The following GALNT2 variants were observed in gnomAD, a reference collection of about 807,000 sequenced individuals.
The protein encoded by GALNT2 is UDP-GalNAc:polypeptide N-acetylgalactosaminyltransferase 2.
A neutral mutation model predicts 81.4 loss-of-function variants in GALNT2; 31 were observed. The observed-to-expected ratio is 0.38, with a 90% CI of 0.29 to 0.51. The LOEUF (loss-of-function observed/expected upper bound fraction) is 0.51, where lower values mean the gene tolerates loss of function less well. GALNT2 is among the 20% of genes least tolerant of loss of function. The pLI is 0.87. For missense variants in GALNT2, 629 were observed against 765.7 expected (o/e 0.82, Z 2.11); for synonymous variants, 303 against 287.4 (o/e 1.05, Z -0.55).
At chr1:230,198,030 G>A (rs1346792177) in intron 2 of GALNT2, among the ~76,000 whole-genome samples, 5 of 152,226 alleles carry the variant, frequency 3.3e-5, no homozygotes, top group East Asian at 1.9e-4. Flanking sequence ...ACCACAGCAC[G>A]TCTCATATGC....
At chr1:230,153,935 A>G (rs1662167918) in intron 1 of GALNT2, among the ~76,000 whole-genome samples, 1 of 152,216 alleles carries the variant, frequency 6.6e-6, no homozygotes, top group South Asian at 2.1e-4. Context: ...TGCCTCTTAC[A>G]AACTCTCATG....
chr1:230,171,200 C>T (rs1558122490), intron 1 of GALNT2, among the ~76,000 whole-genome samples: 1 of 152,172 alleles, frequency 6.6e-6, no homozygotes, highest in Admixed American at 6.5e-5. Context: ...AATGCTTGAT[C>T]AGGGGAGGTC....
At chr1:230,059,295 A>G (rs1658988136) in intron 1 of GALNT2, among the ~76,000 whole-genome samples, 1 of 152,252 alleles carries the variant, frequency 6.6e-6, no homozygotes, top group Non-Finnish European at 1.5e-5. Context: ...ACTGTACTAT[A>G]CAGTCAGGAA....
intron 2 of GALNT2, among the ~76,000 whole-genome samples, chr1:230,180,162 G>A (rs12075378): frequency 0.1 from 15,917 of 151,998 alleles, 1,129 homozygotes; most frequent in East Asian, 0.26. Flanking sequence ...CAGGTGATCC[G>A]CCCGCCTCGG....
chr1:230,160,152 GTC>G (rs1662386972), intron 1 of GALNT2, among the ~76,000 whole-genome samples: 1 of 152,086 alleles, frequency 6.6e-6, no homozygotes, highest in South Asian at 2.1e-4. Context: ...CCAACCCATT[GTC>G]TCTGTCATAG....
chr1:230,126,481 T>C (rs1454927421), intron 1 of GALNT2, among the ~76,000 whole-genome samples: 3 of 152,070 alleles, frequency 2.0e-5, no homozygotes, highest in Admixed American at 6.5e-5. Context: ...GGGGTTGCAG[T>C]TGAGGACTAA....
At position 230,193,140 on chromosome 1, in the gene GALNT2, C is replaced by T. The variant is rs978242888; in HGVS notation, c.221-9997C>T. Among the ~76,000 whole-genome samples, 8 of 152,294 alleles carry T rather than the reference C, an allele frequency of 5.3e-5. No homozygotes were observed. The highest frequency in any genetic ancestry group is 3.3e-4 in the Admixed American group (5 of 15,290). On this transcript the variant is annotated intron_variant, in intron 2 of 15. Coordinates refer to ENST00000366672, the MANE Select transcript of GALNT2 (RefSeq NM_004481.5). This position sits in a 1 kb window ranked among gnomAD's most constrained non-coding sequence, Gnocchi z 4.3. ...TTCCCTTCCTTGGCTGCTTTCCCAG[C>T]GGTTGCTCTGTTTTACGTGGGGTAG...
intron 2 of GALNT2, among the ~76,000 whole-genome samples, chr1:230,188,355 G>A (rs1663410989): frequency 6.6e-6 from 1 of 152,176 alleles, no homozygotes; most frequent in Non-Finnish European, 1.5e-5. Context: ...AGTCCCAGCT[G>A]GAAGTCATGG....
intron 3 of GALNT2, among the ~76,000 whole-genome samples, chr1:230,232,822 C>T (rs189082580): frequency 3.5e-4 from 53 of 152,272 alleles, no homozygotes; most frequent in African/African-American, 1.1e-3. Flanking sequence ...GTCTACTTGT[C>T]AGGAAAGACT....
chr1:230,074,345 T>C (rs755432064), intron 1 of GALNT2, among the ~76,000 whole-genome samples: 5 of 152,174 alleles, frequency 3.3e-5, no homozygotes, highest in Non-Finnish European at 5.9e-5. Context: ...TCCCAAAGCA[T>C]TGGGATTCCA....
chr1:230,119,895 G>T (rs1005722446), intron 1 of GALNT2, among the ~76,000 whole-genome samples: 2 of 152,130 alleles, frequency 1.3e-5, no homozygotes, highest in Non-Finnish European at 2.9e-5. Context: ...TCCCATTGGC[G>T]TGATTGTCAT....
chr1:230,248,325 C>T (rs2102746381), intron 8 of GALNT2, among the ~76,000 whole-genome samples: 1 of 152,308 alleles, frequency 6.6e-6, no homozygotes, highest in East Asian at 1.9e-4. Flanking sequence ...GATGCATGCC[C>T]TAGAGTCATT....
At chr1:230,207,240 G>T (rs1014292264) in intron 3 of GALNT2, among the ~76,000 whole-genome samples, 3 of 152,000 alleles carry the variant, frequency 2.0e-5, no homozygotes, top group Non-Finnish European at 4.4e-5. Context: ...TACAGGAGAA[G>T]GAAAGGGGGA....
chr1:230,253,088 T>G (rs1665600904), intron 10 of GALNT2, among the ~76,000 whole-genome samples: 2 of 152,244 alleles, frequency 1.3e-5, no homozygotes, highest in African/African-American at 4.8e-5. Context: ...CCTCAGGTGA[T>G]CCGCCTGCCT....
intron 1 of GALNT2, among the ~76,000 whole-genome samples, chr1:230,162,662 G>A (rs756177338): frequency 1.3e-5 from 2 of 152,190 alleles, no homozygotes; most frequent in Non-Finnish European, 1.5e-5. Flanking sequence ...GCCTTGCTAT[G>A]TAAATACTGT....
rs771195224 is a variant in GALNT2 at position 230,257,761 on chromosome 1, C to A, written c.1136+2417C>A. Among the ~76,000 whole-genome samples the A allele has an allele frequency of 2.0e-5, 3 of 152,166 alleles. No individual in the cohort carries two copies. Among genetic ancestry groups the A allele is most frequent in the Non-Finnish European group, 2.9e-5 (2 of 68,044 alleles). Reference sequence around the variant, plus strand: ...CCATGGTGAAGCAGGCAGCTGTTTGCTAATAGGGCGGCAGAGAGAAGGGAG... The same window carrying A: ...CCATGGTGAAGCAGGCAGCTGTTTGATAATAGGGCGGCAGAGAGAAGGGAG... On this transcript the variant is annotated intron_variant, in intron 11 of 15. Transcript: ENST00000366672. This position sits in a 1 kb window ranked among gnomAD's most constrained non-coding sequence, Gnocchi z 4.6.
rs553065529 is a variant in GALNT2 at position 230,240,009 on chromosome 1, C to A, written c.607+3284C>A. 1.9e-3 allele frequency among the ~76,000 whole-genome samples: 296 copies of A among 152,280 alleles called. 1 individual carries two copies. The highest frequency in any genetic ancestry group is 6.9e-3 in the African/African-American group (286 of 41,554). The stretch of plus-strand genomic sequence containing the variant: ...GCTTTTCTTCTACATACATCTTAAA[C>A]CCCACAATACACTGTTACATTTTTA... On this transcript the variant is annotated intron_variant, in intron 6 of 15. Transcript: ENST00000366672.
chr1:230,068,051 C>T (rs1659255052), intron 1 of GALNT2, among the ~76,000 whole-genome samples: 3 of 152,224 alleles, frequency 2.0e-5, no homozygotes, highest in Admixed American at 6.5e-5. Context: ...CCTTGCGGCC[C>T]CAGCGTTACC....
intron 1 of GALNT2, among the ~76,000 whole-genome samples, chr1:230,150,547 A>C (rs995811693): frequency 2.6e-5 from 4 of 152,208 alleles, no homozygotes; most frequent in African/African-American, 9.7e-5. Flanking sequence ...TGGAGTTGGA[A>C]ATTGGGGAGG....
Sources: gnomAD v4.1 joint callset for allele counts (sites outside exome capture counted in the v4.1 genomes callset) on GRCh38, gnomAD v4.1.1 for gene constraint, Gnocchi (gnomAD v3.1) non-coding constraint, MANE v1.5 for transcripts, NCBI Gene and HGNC (gene_info 2026-07-23, HGNC 2026-07-21) for gene names.